OXER1: variants seen among roughly 807,000 people sequenced by gnomAD.
The protein encoded by OXER1 is 5-oxo-ETE G-protein coupled receptor.
For missense variants in OXER1, 587 were observed against 551.7 expected, an observed-to-expected ratio of 1.06 and a Z score of -0.64; for synonymous variants, 258 against 245.8, an observed-to-expected ratio of 1.05 and a Z score of -0.47.
exon 1 of OXER1, chr2:42,762,556 A>G (rs2104624880): frequency 3.4e-6 from 1 of 291,730 alleles, no homozygotes. Context: ...AGCACAGAAC[A>G]TGCAGCTGTC....
chr2:42,763,908 A>G lies in OXER1; in HGVS notation c.272T>C (p.Val91Ala), dbSNP rs1670559621. 11 of 1,613,940 alleles carry G rather than the reference A, an allele frequency of 6.8e-6. No homozygotes were observed. Among genetic ancestry groups the G allele is most frequent in the Non-Finnish European group, 8.5e-6 (10 of 1,180,004 alleles). The change falls in exon 1 of 1, where the codon GTG (valine) becomes GCG (alanine). Residue 91 changes from valine (V) to alanine (A), a missense_variant. Transcript: ENST00000378661. The surrounding 1 kb of genome is among the most constrained non-coding windows in gnomAD (Gnocchi z 4.4). ...CAGGATTGGTGCCAGGAAGGCAGAC[A>G]CCAGCGAGGAAGAGGTGGGGTGGCA...
Position 42,763,791 on chromosome 2 carries a change from A to T in OXER1, c.389T>A (p.Phe130Tyr). 1 of 1,614,012 alleles carries T rather than the reference A, an allele frequency of 6.2e-7. No homozygotes were observed. The highest frequency in any genetic ancestry group is 8.5e-7 in the Non-Finnish European group (1 of 1,180,020). ...GTCAGCGGCCACCAGGCTGACCAGG[A>T]ACACCGTGTTGGAGGTCCAGGGCCG... is the stretch of plus-strand genomic sequence containing the variant. Residue 130 changes from phenylalanine (F) to tyrosine (Y), a missense_variant, in exon 1 of 1, where the codon TTC becomes TAC. Phe to Tyr is a conservative substitution (Grantham distance 22, BLOSUM62 3). Transcript: ENST00000378661. The surrounding 1 kb of genome is among the most constrained non-coding windows in gnomAD (Gnocchi z 4.4).
chr2:42,763,276 C>T lies in OXER1; in HGVS notation c.904G>A (p.Ala302Thr). Reference sequence around the variant, plus strand: ...GGCAAGAAGCAGATGGTGTAGACGGCCACCACCATGGCCAGCACACGCATG... The same window carrying T: ...GGCAAGAAGCAGATGGTGTAGACGGTCACCACCATGGCCAGCACACGCATG... The change falls in exon 1 of 1, where the codon GCC (alanine) becomes ACC (threonine). Residue 302 changes from alanine (A) to threonine (T), a missense_variant. Coordinates refer to ENST00000378661, the Ensembl canonical transcript of OXER1. This position sits in a 1 kb window ranked among gnomAD's most constrained non-coding sequence, Gnocchi z 4.4. 1 of 1,613,086 alleles carries T rather than the reference C, an allele frequency of 6.2e-7. No individual in the cohort carries two copies. The highest frequency in any genetic ancestry group is 8.5e-7 in the Non-Finnish European group (1 of 1,179,748).
In OXER1 at chr2:42,762,801, C is replaced by T. The variant is rs111369512; in HGVS notation, c.*107G>A. On this transcript the variant is annotated 3_prime_UTR_variant, in exon 1 of 1. Coordinates refer to ENST00000378661, the Ensembl canonical transcript of OXER1. ...TGCTTTGGCCTGGCCCCTGGTCTGCCGCCATCCCTTGTCCAGTTGGTTGAG... is the reference window on the plus strand; with the variant it reads ...TGCTTTGGCCTGGCCCCTGGTCTGCTGCCATCCCTTGTCCAGTTGGTTGAG... 4.7e-4 allele frequency: 629 copies of T among 1,339,054 alleles called. 14 individuals carry two copies. The South Asian group carries it at 6.6e-3, about 14-fold the overall frequency. 82.9% of individuals were successfully genotyped at this position (1,339,054 alleles called of 1,614,324 possible).
rs147970991 is a variant in OXER1 at position 42,763,036 on chromosome 2, C to T, written c.1144G>A (p.Asp382Asn). 67 of 1,613,952 alleles carry T rather than the reference C, an allele frequency of 4.2e-5. No individual in the cohort carries two copies. The highest frequency in any genetic ancestry group is 1.6e-4 in the Middle Eastern group (1 of 6,084). Residue 382 changes from aspartate (D) to asparagine (N), a missense_variant, in exon 1 of 1, where the codon GAC (aspartate) becomes AAC (asparagine). By Grantham distance (23) the Asp-to-Asn change is conservative. Coordinates refer to ENST00000378661, the Ensembl canonical transcript of OXER1. This position sits in a 1 kb window ranked among gnomAD's most constrained non-coding sequence, Gnocchi z 4.4. ...CTGGAGGGTTGGTAGGAGCTCTCGT[C>T]GCTCACTGGGCCCTGCCGGCCCCGC...
In OXER1 at chr2:42,763,736, G is replaced by C; in HGVS notation, c.444C>G (p.Arg148=). Residue 148 remains arginine, a synonymous_variant, in exon 1 of 1, where the codon CGC becomes CGG. Coordinates refer to ENST00000378661, the Ensembl canonical transcript of OXER1. This position sits in a 1 kb window ranked among gnomAD's most constrained non-coding sequence, Gnocchi z 4.4. ...TCTCATGGAGGAGGTAGTAGTCCAC[G>C]CGGAGGGGCAGGTTGCTGATCAGGA... 6.2e-7 allele frequency: 1 copy of C among 1,614,146 alleles called. No individual in the cohort carries two copies. Among genetic ancestry groups the C allele is most frequent in the Non-Finnish European group, 8.5e-7 (1 of 1,180,038 alleles).
At chr2:42,762,680 C>T (rs577265703) in exon 1 of OXER1, 101 of 547,334 alleles carry the variant, frequency 1.8e-4, no homozygotes, top group African/African-American at 1.7e-3. Flanking sequence ...CTCCACCCGG[C>T]ATCCTGCTCT....
rs770189297 is a variant in OXER1 at position 42,763,130 on chromosome 2, C to T, written c.1050G>A (p.Leu350=). The change falls in exon 1 of 1, where the codon CTG becomes CTA. Residue 350 remains leucine (L), a synonymous_variant. Transcript: ENST00000378661. The surrounding 1 kb of genome is among the most constrained non-coding windows in gnomAD (Gnocchi z 4.4). ...TAGAGAAGCAGTAGAGCACGGGGTC[C>T]AGGACACTGTTGAGGTAGGTGAAGG... 50 of 1,614,060 alleles carry T rather than the reference C, an allele frequency of 3.1e-5. No homozygotes were observed. The highest frequency in any genetic ancestry group is 2.5e-6 in the Non-Finnish European group (3 of 1,180,030).
chr2:42,763,160 G>A lies in OXER1; in HGVS notation c.1020C>T (p.Ser340=). The change falls in exon 1 of 1, where the codon TCC becomes TCT. Residue 340 remains serine (S), a synonymous_variant. Transcript: ENST00000378661. The surrounding 1 kb of genome is among the most constrained non-coding windows in gnomAD (Gnocchi z 4.4). ...CACTGTTGAGGTAGGTGAAGGCCAG[G>A]GAGCCATGGAAGAGCTGTGTGCAGA... 1 of 1,613,946 alleles carries A rather than the reference G, an allele frequency of 6.2e-7. No individual in the cohort carries two copies. Among genetic ancestry groups the A allele is most frequent in the South Asian group, 1.1e-5 (1 of 91,060 alleles).
rs750312337 is a variant in OXER1 at position 42,763,313 on chromosome 2, G to T, written c.867C>A (p.Gly289=). The T allele has an allele frequency of 3.1e-5, 50 of 1,612,902 alleles. No individual in the cohort carries two copies. The highest frequency in any genetic ancestry group is 4.2e-5 in the Non-Finnish European group (49 of 1,179,868). ...CCAGCACACGCATGGCCCTCTGCGG[G>T]CCTGCCTGCCCGCCCAGACCACGGT... Residue 289 remains glycine (G), a synonymous_variant, in exon 1 of 1, where the codon GGC becomes GGA. Transcript: ENST00000378661. This position sits in a 1 kb window ranked among gnomAD's most constrained non-coding sequence, Gnocchi z 4.4.
chr2:42,763,164 C>T lies in OXER1; in HGVS notation c.1016G>A (p.Gly339Asp). Residue 339 changes from glycine to aspartate, a missense_variant, in exon 1 of 1, where the codon GGC (glycine) becomes GAC (aspartate). Gly to Asp is a moderately conservative substitution (Grantham distance 94). Coordinates refer to ENST00000378661, the Ensembl canonical transcript of OXER1. This position sits in a 1 kb window ranked among gnomAD's most constrained non-coding sequence, Gnocchi z 4.4. ...GTTGAGGTAGGTGAAGGCCAGGGAGCCATGGAAGAGCTGTGTGCAGAGGTC... is the reference window on the plus strand; with the variant it reads ...GTTGAGGTAGGTGAAGGCCAGGGAGTCATGGAAGAGCTGTGTGCAGAGGTC... The T allele has an allele frequency of 6.2e-7, 1 of 1,613,724 alleles. No homozygotes were observed. The highest frequency in any genetic ancestry group is 8.5e-7 in the Non-Finnish European group (1 of 1,179,722).
At chr2:42,762,884 G>A in exon 1 of OXER1, 3 of 1,593,356 alleles carry the variant, frequency 1.9e-6, no homozygotes, top group South Asian at 2.3e-5. Context: ...TACCCCCACA[G>A]CGCTGCAGCC....
exon 1 of OXER1, chr2:42,762,566 C>T (rs190246086): frequency 3.2e-6 from 1 of 308,506 alleles, no homozygotes. Context: ...ATGCAGCTGT[C>T]CAATTTCTAA....
Position 42,763,926 on chromosome 2 carries a change from G to T in OXER1, c.254C>A (p.Pro85His). 2 of 1,613,908 alleles carry T rather than the reference G, an allele frequency of 1.2e-6. No homozygotes were observed. Among genetic ancestry groups the T allele is most frequent in the Non-Finnish European group, 1.7e-6 (2 of 1,180,004 alleles). Residue 85 changes from proline to histidine, a missense_variant, in exon 1 of 1, where the codon CCC becomes CAC. Physicochemically the swap from Pro to His is moderately conservative, Grantham distance 77. Transcript: ENST00000378661. The surrounding 1 kb of genome is among the most constrained non-coding windows in gnomAD (Gnocchi z 4.4). ...GGCAGACACCAGCGAGGAAGAGGTG[G>T]GGTGGCAGGGCCCTCCAGAGGACCC...
At position 42,763,044 on chromosome 2, in the gene OXER1, G is replaced by A. The variant is rs201387408; in HGVS notation, c.1136C>T (p.Pro379Leu). The change falls in exon 1 of 1, where the codon CCA (proline) becomes CTA (leucine). Residue 379 changes from proline to leucine, a missense_variant. Coordinates refer to ENST00000378661, the Ensembl canonical transcript of OXER1. The surrounding 1 kb of genome is among the most constrained non-coding windows in gnomAD (Gnocchi z 4.4). ...TTGGTAGGAGCTCTCGTCGCTCACTGGGCCCTGCCGGCCCCGCGTGAGGCC... is the reference window on the plus strand; with the variant it reads ...TTGGTAGGAGCTCTCGTCGCTCACTAGGCCCTGCCGGCCCCGCGTGAGGCC... 16 of 1,614,058 alleles carry A rather than the reference G, an allele frequency of 9.9e-6. No homozygotes were observed. The East Asian group carries it at 3.6e-4, about 36-fold the overall frequency.
rs1237824041 is a variant in OXER1 at position 42,763,057 on chromosome 2, CCCG to C, written c.1120_1122del (p.Arg374del). 6.2e-7 allele frequency: 1 copy of C among 1,614,008 alleles called. No individual in the cohort carries two copies. The highest frequency in any genetic ancestry group is 8.5e-7 in the Non-Finnish European group (1 of 1,180,034). ...TCGTCGCTCACTGGGCCCTGCCGGCCCCGCGTGAGGCCCAGCAAGGCCCGGCTC... is the reference window on the plus strand; with the variant it reads ...TCGTCGCTCACTGGGCCCTGCCGGCCCGTGAGGCCCAGCAAGGCCCGGCTC... On this transcript the variant is annotated inframe_deletion, in exon 1 of 1. Transcript: ENST00000378661. The surrounding 1 kb of genome is among the most constrained non-coding windows in gnomAD (Gnocchi z 4.4).
At chr2:42,762,705 G>A in exon 1 of OXER1, 1 of 589,632 alleles carries the variant, frequency 1.7e-6, no homozygotes, top group Non-Finnish European at 2.9e-6. Context: ...TGCATTCTGG[G>A]AATGCCATCC....
rs201326886 is a variant in OXER1 at position 42,763,901 on chromosome 2, G to A, written c.279C>T (p.Ala93=). 5.6e-6 allele frequency: 9 copies of A among 1,614,002 alleles called. No individual in the cohort carries two copies. The highest frequency in any genetic ancestry group is 1.6e-4 in the Middle Eastern group (1 of 6,062). Residue 93 remains alanine (A), a synonymous_variant, in exon 1 of 1, where the codon GCC becomes GCT. Coordinates refer to ENST00000378661, the Ensembl canonical transcript of OXER1. This position sits in a 1 kb window ranked among gnomAD's most constrained non-coding sequence, Gnocchi z 4.4. Reference sequence around the variant, plus strand: ...CCAGGGCCAGGATTGGTGCCAGGAAGGCAGACACCAGCGAGGAAGAGGTGG... The same window carrying A: ...CCAGGGCCAGGATTGGTGCCAGGAAAGCAGACACCAGCGAGGAAGAGGTGG...
At position 42,763,725 on chromosome 2, in the gene OXER1, T is replaced by G. The variant is rs1573881857; in HGVS notation, c.455A>C (p.Tyr152Ser). 2.5e-6 allele frequency: 4 copies of G among 1,613,476 alleles called. No homozygotes were observed. The highest frequency in any genetic ancestry group is 2.5e-6 in the Non-Finnish European group (3 of 1,179,868). The change falls in exon 1 of 1, where the codon TAC becomes TCC. Residue 152 changes from tyrosine (Y) to serine (S), a missense_variant. Tyr to Ser is a moderately radical substitution (Grantham distance 144). Transcript: ENST00000378661. The surrounding 1 kb of genome is among the most constrained non-coding windows in gnomAD (Gnocchi z 4.4). ...AAAGCGCCAGGTCTCATGGAGGAGG[T>G]AGTAGTCCACGCGGAGGGGCAGGTT...
Sources: allele counts gnomAD v4.1 joint callset, GRCh38; gene constraint gnomAD v4.1.1; non-coding constraint Gnocchi (gnomAD v3.1); transcripts MANE v1.5; gene names NCBI Gene and HGNC (gene_info 2026-07-23, HGNC 2026-07-21).